Variants in VEZT observed in about 807,000 individuals in gnomAD.
VEZT encodes vezatin.
Under a neutral mutation model 79.9 loss-of-function variants are expected in VEZT, and 39 were observed. That is an observed-to-expected ratio of 0.49 (90% CI 0.38 to 0.64). The LOEUF is 0.64. VEZT is among the 30% of genes least tolerant of loss of function. The pLI, the probability that VEZT is intolerant of heterozygous loss-of-function variation, is 0.00. For missense variants in VEZT, 837 were observed against 893.1 expected, an observed-to-expected ratio of 0.94 and a Z score of 0.80; for synonymous variants, 325 against 327.6, an observed-to-expected ratio of 0.99 and a Z score of 0.09.
chr12:95,270,182 T>G lies in VEZT; in HGVS notation c.842T>G (p.Leu281Arg). 1 of 1,598,752 alleles carries G rather than the reference T, an allele frequency of 6.3e-7. No individual in the cohort carries two copies. Residue 281 changes from leucine to arginine, a missense_variant, in exon 6 of 12, where the codon CTG becomes CGG. Transcript: ENST00000436874. ...QAARLATLYM[L>R]KNYPLNSESD... ...GCAAGGCTAGCTACCCTATATATGC[T>G]GAAAAAATATCCTTTTCTGTTTATA...
intron 1 of VEZT, among the ~76,000 whole-genome samples, chr12:95,239,363 G>T (rs749672458): frequency 6.6e-6 from 1 of 152,204 alleles, no homozygotes; most frequent in Non-Finnish European, 1.5e-5. Flanking sequence ...CACAGAGTAG[G>T]TGCTCAATAA....
chr12:95,285,483 A>G (rs2070502033), intron 8 of VEZT, among the ~76,000 whole-genome samples: 1 of 151,864 alleles, frequency 6.6e-6, no homozygotes, highest in Admixed American at 6.6e-5. Context: ...AACCTTCCTC[A>G]CCTTTTGTAT....
At chr12:95,234,232 T>C (rs1305723806) in intron 1 of VEZT, among the ~76,000 whole-genome samples, 1 of 152,148 alleles carries the variant, frequency 6.6e-6, no homozygotes, top group Non-Finnish European at 1.5e-5. Context: ...TGTGGCCTTA[T>C]TGTAAATTAA....
chr12:95,218,242 C>T (rs550904144), intron 1 of VEZT: 17 of 191,010 alleles, frequency 8.9e-5, no homozygotes, highest in East Asian at 7.4e-4. Context: ...ATAGTCACAA[C>T]TTAGCCTCCT....
intron 9 of VEZT, among the ~76,000 whole-genome samples, chr12:95,290,984 G>A (rs533263894): frequency 1.3e-5 from 2 of 152,036 alleles, no homozygotes; most frequent in Non-Finnish European, 2.9e-5. Context: ...AATATCACAG[G>A]CCAGGTGCGG....
At chr12:95,298,218 C>G (rs1184488171) in intron 11 of VEZT, among the ~76,000 whole-genome samples, 3 of 152,078 alleles carry the variant, frequency 2.0e-5, no homozygotes, top group African/African-American at 7.2e-5. Flanking sequence ...ACTAGTCTCT[C>G]CTTCTCCATG....
chr12:95,242,368 A>G (rs956530892), intron 1 of VEZT: 3 of 152,228 alleles, frequency 2.0e-5, no homozygotes, highest in African/African-American at 4.8e-5. Context: ...ACCTGAGACT[A>G]TTAGATAGAA....
At position 95,257,139 on chromosome 12, in the gene VEZT, A is replaced by T; in HGVS notation, c.169-11A>T. 6.2e-7 allele frequency: 1 copy of T among 1,603,978 alleles called. No homozygotes were observed. Among genetic ancestry groups the T allele is most frequent in the Non-Finnish European group, 8.5e-7 (1 of 1,174,882 alleles). ...TTAATAATCCTATACAATGTCATTC[A>T]TTTCCTTCAGCAAGGTATCCTGTTA... On this transcript the variant is annotated splice_polypyrimidine_tract_variant and intron_variant, in intron 2 of 11. Transcript: ENST00000436874.
At chr12:95,229,346 T>C (rs983837291) in intron 1 of VEZT, among the ~76,000 whole-genome samples, 2 of 152,236 alleles carry the variant, frequency 1.3e-5, no homozygotes, top group Admixed American at 6.5e-5. Flanking sequence ...TGGTATTTTA[T>C]GTGCAGCTAT....
At chr12:95,286,431 C>A (rs749046738) in intron 8 of VEZT, 58 of 536,060 alleles carry the variant, frequency 1.1e-4, no homozygotes, top group Non-Finnish European at 1.9e-4. Context: ...CCTTCCATTT[C>A]ATGAGCAACA....
Position 95,270,207 on chromosome 12 carries a change from A to G in VEZT, c.848+19A>G. 6.3e-7 allele frequency: 1 copy of G among 1,574,982 alleles called. No homozygotes were observed. The highest frequency in any genetic ancestry group is 8.6e-7 in the Non-Finnish European group (1 of 1,161,768). On this transcript the variant is annotated intron_variant, in intron 6 of 11. Coordinates refer to ENST00000436874, the MANE Select transcript of VEZT (RefSeq NM_017599.4). ...TGAAAAAATATCCTTTTCTGTTTATATATGAAACTAAGCAATGTTTCTGGA... is the reference window on the plus strand; with the variant it reads ...TGAAAAAATATCCTTTTCTGTTTATGTATGAAACTAAGCAATGTTTCTGGA...
At chr12:95,219,452 T>C (rs1467664881) in intron 1 of VEZT, among the ~76,000 whole-genome samples, 1 of 151,214 alleles carries the variant, frequency 6.6e-6, no homozygotes, top group African/African-American at 2.5e-5. Flanking sequence ...TGTGTGATAT[T>C]TTTTAAAACA....
chr12:95,293,336 T>C (rs1404665256), intron 9 of VEZT, among the ~76,000 whole-genome samples: 1 of 152,226 alleles, frequency 6.6e-6, no homozygotes, highest in Non-Finnish European at 1.5e-5. Context: ...CAAATACTTC[T>C]TTATTTTAAC....
chr12:95,261,505 G>A (rs11107956), intron 3 of VEZT, among the ~76,000 whole-genome samples: 17,146 of 152,064 alleles, frequency 0.11, 1,063 homozygotes, highest in East Asian at 0.25. Flanking sequence ...TCCGCCTCCT[G>A]GGTTCAAGAG....
intron 10 of VEZT, 26 bp from the exon 11 acceptor site, chr12:95,296,025 G>A (rs1452751057): frequency 6.8e-7 from 1 of 1,478,528 alleles, no homozygotes; most frequent in Non-Finnish European, 9.1e-7. Flanking sequence ...TTCAAGTAAA[G>A]TGCTTTTTCT....
chr12:95,295,922 C>T, intron 10 of VEZT, 129 bp from the exon 11 acceptor site: 1 of 679,506 alleles, frequency 1.5e-6, no homozygotes, highest in Non-Finnish European at 2.4e-6. Flanking sequence ...CCTAGCTCTG[C>T]TTTAATGACC....
In VEZT at chr12:95,270,168, T is replaced by C. The variant is rs2066320015; in HGVS notation, c.828T>C (p.Ala276=). 1.2e-6 allele frequency: 2 copies of C among 1,608,108 alleles called. No homozygotes were observed. The part of the protein sequence containing the change: ...LRANFQAARL[A]TLYMLKNYPL... ...CCAACTTCCAAGCAGCAAGGCTAGC[T>C]ACCCTATATATGCTGAAAAAATATC... Residue 276 remains alanine, a synonymous_variant, in exon 6 of 12, where the codon GCT becomes GCC. Coordinates refer to ENST00000436874, the MANE Select transcript of VEZT (RefSeq NM_017599.4).
chr12:95,260,098 C>CTTTTTTTT (rs56756447), intron 3 of VEZT, among the ~76,000 whole-genome samples: 2 of 68,526 alleles, frequency 2.9e-5, no homozygotes, highest in African/African-American at 6.3e-5. Context: ...TGGTTGATCA[C>CTTTTTTTT]TTTTTTTTTT....
At chr12:95,244,242 T>G (rs1216398546) in intron 1 of VEZT, among the ~76,000 whole-genome samples, 1 of 151,834 alleles carries the variant, frequency 6.6e-6, no homozygotes, top group African/African-American at 2.4e-5. Flanking sequence ...TAAAAAACAA[T>G]TAGCCGGACA....
Sources: gnomAD v4.1 joint callset for allele counts (sites outside exome capture counted in the v4.1 genomes callset) on GRCh38, gnomAD v4.1.1 for gene constraint, MANE v1.5 for transcripts, NCBI Gene and HGNC (gene_info 2026-07-23, HGNC 2026-07-21) for gene names.